The following TMTC2 variants were observed in gnomAD, a reference collection of about 807,000 sequenced individuals.
The protein encoded by TMTC2 is protein O-mannosyl-transferase TMTC2.
In TMTC2, 43 loss-of-function variants were observed where a neutral mutation model predicts 82.4. That is an observed-to-expected ratio of 0.52 (90% CI 0.41 to 0.67). The LOEUF is 0.67. Ranked by LOEUF, TMTC2 falls within the 30% of genes least tolerant of loss-of-function variation. The probability of loss-of-function intolerance (pLI) is 0.00; values close to 1 mark genes in which losing one functional copy is unlikely to be tolerated. For missense variants in TMTC2, 919 were observed against 1,012.4 expected, an observed-to-expected ratio of 0.91 and a Z score of 1.25; for synonymous variants, 408 against 381.9, an observed-to-expected ratio of 1.07 and a Z score of -0.80.
intron 10 of TMTC2, among the ~76,000 whole-genome samples, chr12:83,052,923 A>G (rs921729490): frequency 2.1e-5 from 3 of 143,304 alleles, no homozygotes; most frequent in African/African-American, 7.5e-5. Context: ...TATTGACTGC[A>G]AGAGTGACCA....
chr12:82,961,986 C>T lies in TMTC2; in HGVS notation c.1599-3038C>T, dbSNP rs116828017. ...AACTTTATTCAGATTATGTAGAGGA[C>T]GATGATATTCTAATTCAAAGACTCA... On this transcript the variant is annotated intron_variant, in intron 4 of 11. Transcript: ENST00000321196. Among the ~76,000 whole-genome samples the T allele has an allele frequency of 5.6e-3, 856 of 151,982 alleles. 10 individuals are homozygous for T. Among genetic ancestry groups the T allele is most frequent in the African/African-American group, 0.02 (810 of 41,462 alleles).
rs1199009795 is a variant in TMTC2, at chr12:82,845,598, C to T, written c.84-11412C>T. ...ATTGAAACTCTGATACAGTATAGTA[C>T]GGTGAGAAGGAGGTGAGGTGTACTG... On this transcript the variant is annotated intron_variant, in intron 1 of 11. Transcript: ENST00000321196. 7.9e-5 allele frequency among the ~76,000 whole-genome samples: 12 copies of T among 151,964 alleles called. No individual in the cohort carries two copies. The East Asian group carries it at 1.9e-3, about 25-fold the overall frequency.
chr12:83,005,499 C>CACTGG (rs1228072075), intron 8 of TMTC2, among the ~76,000 whole-genome samples: 1 of 152,088 alleles, frequency 6.6e-6, no homozygotes, highest in East Asian at 1.9e-4. Flanking sequence ...CTGCTGCAAT[C>CACTGG]ACTGGTGCCG....
intron 9 of TMTC2, among the ~76,000 whole-genome samples, chr12:83,031,444 G>T (rs922950168): frequency 1.3e-5 from 2 of 151,756 alleles, no homozygotes; most frequent in African/African-American, 2.4e-5. Flanking sequence ...TAACAACTCT[G>T]TCACACTCTG....
chr12:82,911,613 C>A (rs1366984349), intron 3 of TMTC2, among the ~76,000 whole-genome samples: 1 of 151,414 alleles, frequency 6.6e-6, no homozygotes, highest in Non-Finnish European at 1.5e-5. Context: ...TTTTTCTTTT[C>A]TTTTTTTGAG....
At chr12:82,704,143 A>G (rs1356602815) in intron 1 of TMTC2, among the ~76,000 whole-genome samples, 2 of 152,186 alleles carry the variant, frequency 1.3e-5, no homozygotes, top group African/African-American at 4.8e-5. Flanking sequence ...GTTACATTGG[A>G]CAGTTTATTC....
intron 1 of TMTC2, among the ~76,000 whole-genome samples, chr12:82,687,874 G>C (rs897912354): frequency 4.6e-5 from 7 of 152,194 alleles, no homozygotes; most frequent in Non-Finnish European, 1.0e-4. Flanking sequence ...TCCGCTCCTA[G>C]TTTGCAGCAG....
intron 1 of TMTC2, among the ~76,000 whole-genome samples, chr12:82,729,188 A>C (rs1203861250): frequency 1.3e-5 from 2 of 152,172 alleles, no homozygotes; most frequent in Admixed American, 6.5e-5. Flanking sequence ...TGGGCTCCTG[A>C]GTGTGGTGGG....
intron 1 of TMTC2, chr12:82,690,462 G>A: frequency 1.1e-6 from 1 of 919,748 alleles, no homozygotes; most frequent in Non-Finnish European, 1.3e-6. Flanking sequence ...TAAATATAGT[G>A]ATCGTTTACT....
intron 2 of TMTC2, among the ~76,000 whole-genome samples, chr12:82,881,955 C>G (rs1455593526): frequency 6.6e-6 from 1 of 151,924 alleles, no homozygotes; most frequent in African/African-American, 2.4e-5. Flanking sequence ...TCACCTTTTC[C>G]CACGTTACCC....
intron 1 of TMTC2, among the ~76,000 whole-genome samples, chr12:82,805,798 C>T (rs1879218334): frequency 6.6e-6 from 1 of 152,022 alleles, no homozygotes. Flanking sequence ...AGCCATCGCA[C>T]CCAGCTGGCT....
In TMTC2 at chr12:82,849,257, G is replaced by A. The variant is rs576302018; in HGVS notation, c.84-7753G>A. ...TTAACAATATTTGTTGCATGCCTAAGATGTGTTGGACACTGGGAGAAAAGA... is the reference window on the plus strand; with the variant it reads ...TTAACAATATTTGTTGCATGCCTAAAATGTGTTGGACACTGGGAGAAAAGA... On this transcript the variant is annotated intron_variant, in intron 1 of 11. Transcript: ENST00000321196. Among the ~76,000 whole-genome samples, 28 of 152,190 alleles carry A rather than the reference G, an allele frequency of 1.8e-4. No individual in the cohort carries two copies. The South Asian group carries it at 3.5e-3, about 19-fold the overall frequency.
chr12:82,801,429 C>T (rs1195852772), intron 1 of TMTC2, among the ~76,000 whole-genome samples: 1 of 152,018 alleles, frequency 6.6e-6, no homozygotes, highest in Non-Finnish European at 1.5e-5. Context: ...AGAAGGGGAC[C>T]CAAGCGGGTT....
chr12:82,773,386 G>C (rs2136998365), intron 1 of TMTC2, among the ~76,000 whole-genome samples: 1 of 152,000 alleles, frequency 6.6e-6, no homozygotes, highest in East Asian at 1.9e-4. Flanking sequence ...TGCCTAGGTA[G>C]TGGTTTGTGT....
At chr12:82,993,462 A>G (rs1194946845) in intron 8 of TMTC2, among the ~76,000 whole-genome samples, 1 of 152,134 alleles carries the variant, frequency 6.6e-6, no homozygotes, top group Non-Finnish European at 1.5e-5. Flanking sequence ...GCCTAGATAT[A>G]TTGAATAACT....
intron 1 of TMTC2, among the ~76,000 whole-genome samples, chr12:82,690,176 G>T (rs1204503632): frequency 6.6e-6 from 1 of 152,218 alleles, no homozygotes; most frequent in African/African-American, 2.4e-5. Context: ...TGTGAAGGGG[G>T]AGGAAAGCTG....
At chr12:83,053,256 A>G (rs547989014) in intron 10 of TMTC2, among the ~76,000 whole-genome samples, 2 of 152,228 alleles carry the variant, frequency 1.3e-5, no homozygotes, top group South Asian at 4.1e-4. Flanking sequence ...TTCTTTTCTC[A>G]GGAACTATGT....
chr12:82,765,508 C>A (rs966980493), intron 1 of TMTC2, among the ~76,000 whole-genome samples: 2 of 151,986 alleles, frequency 1.3e-5, no homozygotes, highest in African/African-American at 4.8e-5. Flanking sequence ...AACCCCGTCT[C>A]TACTACAAAT....
At chr12:82,887,872 G>T (rs1873182003) in intron 2 of TMTC2, among the ~76,000 whole-genome samples, 1 of 152,084 alleles carries the variant, frequency 6.6e-6, no homozygotes, top group Admixed American at 6.6e-5. Flanking sequence ...CTGAGGTTGG[G>T]AGTTCGAGAC....
Sources: gnomAD v4.1 joint callset for allele counts (sites outside exome capture counted in the v4.1 genomes callset) on GRCh38, gnomAD v4.1.1 for gene constraint, MANE v1.5 for transcripts, NCBI Gene and HGNC (gene_info 2026-07-23, HGNC 2026-07-21) for gene names.